The following LNX2 variants were observed in gnomAD, a reference collection of about 807,000 sequenced individuals.
LNX2 encodes the protein ligand of Numb protein X 2.
In LNX2, 35 loss-of-function variants were observed where a neutral mutation model predicts 66.2. The ratio of observed to expected loss-of-function variants is 0.53; its 90% CI spans 0.40 to 0.70. The LOEUF (loss-of-function observed/expected upper bound fraction) is 0.70, where lower values mean the gene tolerates loss of function less well. Among genes scored for constraint, LNX2 ranks in the 30% least tolerant of loss-of-function variants. The pLI is 0.00. For missense variants in LNX2, 791 were observed against 850.8 expected, an observed-to-expected ratio of 0.93 and a Z score of 0.87; for synonymous variants, 337 against 315.6, an observed-to-expected ratio of 1.07 and a Z score of -0.72.
chr13:27,569,044 T>G lies in LNX2; in HGVS notation c.640A>C (p.Ser214Arg). The G allele has an allele frequency of 6.2e-7, 1 of 1,613,336 alleles. No individual in the cohort carries two copies. The stretch of plus-strand genomic sequence containing the variant: ...CCACACATACTGTCAGCTCCAGCGC[T>G]CTCCTCAAAGGCAGGGTTGTCAAGG... ...PGLDNPAFEE[S>R]AGADTTQQPL... The change falls in exon 3 of 10, where the codon AGC (serine) becomes CGC (arginine). Residue 214 changes from serine (S) to arginine (R), a missense_variant. Ser to Arg is a moderately radical substitution (Grantham distance 110, BLOSUM62 -1). Coordinates refer to ENST00000316334, the MANE Select transcript of LNX2 (RefSeq NM_153371.4).
At chr13:27,577,528 C>T (rs1269418503) in intron 2 of LNX2, among the ~76,000 whole-genome samples, 1 of 151,992 alleles carries the variant, frequency 6.6e-6, no homozygotes, top group Non-Finnish European at 1.5e-5. Flanking sequence ...AATACACTAA[C>T]ATCAATGATA....
intron 1 of LNX2, among the ~76,000 whole-genome samples, chr13:27,587,682 C>T (rs537448022): frequency 8.0e-4 from 122 of 152,302 alleles, no homozygotes; most frequent in African/African-American, 2.7e-3. Flanking sequence ...GGAAAATTTT[C>T]TCATGGTATA....
chr13:27,569,687 G>A (rs1955254023), intron 2 of LNX2, among the ~76,000 whole-genome samples: 3 of 152,074 alleles, frequency 2.0e-5, no homozygotes, highest in Admixed American at 2.0e-4. Context: ...GTTGCGTCCT[G>A]ACTTAGACCT....
intron 1 of LNX2, among the ~76,000 whole-genome samples, chr13:27,587,541 T>C (rs935102911): frequency 1.3e-5 from 2 of 152,176 alleles, no homozygotes; most frequent in African/African-American, 4.8e-5. Context: ...TATTGTGCAT[T>C]TGTGGCACTT....
chr13:27,596,152 C>T (rs1955594775), intron 1 of LNX2, among the ~76,000 whole-genome samples: 1 of 152,052 alleles, frequency 6.6e-6, no homozygotes, highest in African/African-American at 2.4e-5. Flanking sequence ...ATTTGGAGAT[C>T]TGTGACAATT....
At chr13:27,576,678 T>C (rs112497321) in intron 2 of LNX2, among the ~76,000 whole-genome samples, 351 of 151,836 alleles carry the variant, frequency 2.3e-3, no homozygotes, top group African/African-American at 8.0e-3. Context: ...TGAGCCAAGA[T>C]TGCACTGCTT....
intron 1 of LNX2, among the ~76,000 whole-genome samples, chr13:27,588,540 A>G (rs888173448): frequency 6.6e-6 from 1 of 152,212 alleles, no homozygotes; most frequent in Non-Finnish European, 1.5e-5. Context: ...AGGGCAACAC[A>G]AGGGGTTATG....
At chr13:27,577,685 C>T (rs1377520350) in intron 2 of LNX2, among the ~76,000 whole-genome samples, 2 of 152,120 alleles carry the variant, frequency 1.3e-5, no homozygotes, top group African/African-American at 2.4e-5. Flanking sequence ...TAAAGGTTTT[C>T]TATTGTAAAC....
At chr13:27,589,440 A>T (rs1955525874) in intron 1 of LNX2, among the ~76,000 whole-genome samples, 1 of 152,164 alleles carries the variant, frequency 6.6e-6, no homozygotes, top group Non-Finnish European at 1.5e-5. Context: ...ATAATAAAAC[A>T]CTTATTGGTA....
At chr13:27,575,482 T>C (rs1248580757) in intron 2 of LNX2, among the ~76,000 whole-genome samples, 1 of 152,170 alleles carries the variant, frequency 6.6e-6, no homozygotes, top group East Asian at 1.9e-4. Context: ...TTTGAGTGCC[T>C]GAAGAAAACA....
At chr13:27,560,214 G>A (rs1342488016) in intron 5 of LNX2, among the ~76,000 whole-genome samples, 1 of 152,128 alleles carries the variant, frequency 6.6e-6, no homozygotes, top group Non-Finnish European at 1.5e-5. Flanking sequence ...CATGCCGTCT[G>A]CAACCCCACC....
intron 5 of LNX2, among the ~76,000 whole-genome samples, chr13:27,561,724 C>T (rs1362742978): frequency 6.6e-6 from 1 of 152,196 alleles, no homozygotes; most frequent in Non-Finnish European, 1.5e-5. Flanking sequence ...GTTTTGCTAA[C>T]TTTAAGAAAA....
At chr13:27,574,758 C>T (rs1447932343) in intron 2 of LNX2, among the ~76,000 whole-genome samples, 1 of 152,184 alleles carries the variant, frequency 6.6e-6, no homozygotes, top group Non-Finnish European at 1.5e-5. Flanking sequence ...ACACTTAAGA[C>T]ACCTCATAAT....
chr13:27,561,402 C>T (rs150636917), intron 5 of LNX2, among the ~76,000 whole-genome samples: 119 of 152,268 alleles, frequency 7.8e-4, no homozygotes, highest in African/African-American at 2.7e-3. Context: ...CTAATCTCCA[C>T]TCTTACAAGA....
At position 27,547,086 on chromosome 13, in the gene LNX2, T is replaced by C. The variant is rs980955820; in HGVS notation, c.*1249A>G. On this transcript the variant is annotated 3_prime_UTR_variant, in exon 10 of 10. Coordinates refer to ENST00000316334, the MANE Select transcript of LNX2 (RefSeq NM_153371.4). ...AAAATACACAAGAAATACTCCTACC[T>C]GAACAAAATAAAAAGGTCTCCCTTT... is the stretch of plus-strand genomic sequence containing the variant. 2 of 152,170 alleles carry C rather than the reference T, an allele frequency of 1.3e-5. No homozygotes were observed. Among genetic ancestry groups the C allele is most frequent in the South Asian group, 2.1e-4 (1 of 4,830 alleles). 9.4% of individuals were successfully genotyped at this position (152,170 alleles called of 1,614,324 possible). A position where few individuals can be genotyped will look rare whatever the true frequency, so the allele number is the denominator to read the frequency against.
At chr13:27,596,884 T>C (rs1176023102) in intron 1 of LNX2, among the ~76,000 whole-genome samples, 1 of 152,196 alleles carries the variant, frequency 6.6e-6, no homozygotes, top group Non-Finnish European at 1.5e-5. Context: ...TGTCATAACA[T>C]ACAGATAAAT....
intron 1 of LNX2, among the ~76,000 whole-genome samples, chr13:27,591,428 T>A (rs1243163162): frequency 1.3e-5 from 2 of 152,228 alleles, no homozygotes; most frequent in African/African-American, 4.8e-5. Context: ...ATTAGTTTCC[T>A]GTGTTTCCAA....
At chr13:27,553,735 C>T (rs1955030249) in intron 7 of LNX2, among the ~76,000 whole-genome samples, 2 of 152,152 alleles carry the variant, frequency 1.3e-5, no homozygotes. Context: ...TAGCTGTGTA[C>T]AGGCCCTGGG....
chr13:27,590,077 G>T (rs1313630605), intron 1 of LNX2, among the ~76,000 whole-genome samples: 1 of 152,114 alleles, frequency 6.6e-6, no homozygotes, highest in East Asian at 1.9e-4. Context: ...GGCCTCCCCA[G>T]TAGCTGGGAT....
Sources: allele counts gnomAD v4.1 joint callset (sites outside exome capture counted in the v4.1 genomes callset), GRCh38; gene constraint gnomAD v4.1.1; transcripts MANE v1.5; gene names NCBI Gene and HGNC (gene_info 2026-07-23, HGNC 2026-07-21).